QTMAN: variants seen among roughly 807,000 people sequenced by gnomAD.
QTMAN encodes the protein tRNA-queuosine alpha-mannosyltransferase.
At chr2:144,280,595 A>G in the QTMAN span, among the ~76,000 whole-genome samples, 1 of 152,176 alleles carries the variant, frequency 6.6e-6, no homozygotes, top group Admixed American at 6.5e-5. Context: ...ATTTGCCATT[A>G]AAATTCAGAA....
chr2:144,109,142 C>T, the QTMAN span, among the ~76,000 whole-genome samples: 3 of 152,176 alleles, frequency 2.0e-5, no homozygotes, highest in Non-Finnish European at 4.4e-5. Context: ...TGACTTCAAA[C>T]TATACTACAA....
the QTMAN span, among the ~76,000 whole-genome samples, chr2:143,988,250 T>C: frequency 6.6e-6 from 1 of 152,152 alleles, no homozygotes; most frequent in Non-Finnish European, 1.5e-5. Flanking sequence ...ACATAGGTGG[T>C]GCTGCGTCAT....
the QTMAN span, among the ~76,000 whole-genome samples, chr2:143,990,406 C>T: frequency 2.6e-5 from 4 of 151,982 alleles, no homozygotes; most frequent in Non-Finnish European, 5.9e-5. Context: ...GGGATAGTTA[C>T]CCTAGATATG....
At chr2:144,074,313 T>C in the QTMAN span, among the ~76,000 whole-genome samples, 3 of 152,292 alleles carry the variant, frequency 2.0e-5, no homozygotes, top group Non-Finnish European at 2.9e-5. Flanking sequence ...AAATATGTAA[T>C]TTACATGAAG....
chr2:144,102,887 C>T, the QTMAN span, among the ~76,000 whole-genome samples: 2 of 152,108 alleles, frequency 1.3e-5, no homozygotes, highest in East Asian at 1.9e-4. Flanking sequence ...AAAGGCACAG[C>T]TTATTTGGCA....
chr2:144,292,501 T>A, the QTMAN span, among the ~76,000 whole-genome samples: 1 of 152,168 alleles, frequency 6.6e-6, no homozygotes, highest in African/African-American at 2.4e-5. Context: ...TACACACTAG[T>A]CTTTCTTTCT....
chr2:143,986,171 T>C, the QTMAN span, among the ~76,000 whole-genome samples: 2 of 152,188 alleles, frequency 1.3e-5, no homozygotes, highest in African/African-American at 2.4e-5. Context: ...TAACAAAACA[T>C]TATGGTATAG....
At chr2:144,026,788 G>A in the QTMAN span, among the ~76,000 whole-genome samples, 1 of 152,112 alleles carries the variant, frequency 6.6e-6, no homozygotes, top group Non-Finnish European at 1.5e-5. Context: ...CAGCATCCAG[G>A]CAAGAATATG....
the QTMAN span, chr2:143,944,491 G>A: frequency 1.3e-5 from 2 of 152,018 alleles, no homozygotes; most frequent in Admixed American, 1.3e-4. Context: ...CGCCCAGGCT[G>A]GAGTGCAGTG....
chr2:144,107,386 G>T, the QTMAN span, among the ~76,000 whole-genome samples: 1 of 143,336 alleles, frequency 7.0e-6, no homozygotes, highest in Non-Finnish European at 1.5e-5. Flanking sequence ...GAAGAGAGAA[G>T]AATCAAATAG....
At chr2:144,150,052 A>T in the QTMAN span, among the ~76,000 whole-genome samples, 1 of 151,772 alleles carries the variant, frequency 6.6e-6, no homozygotes, top group Non-Finnish European at 1.5e-5. Flanking sequence ...AGGTCACCTC[A>T]CTCTTGCCCC....
chr2:144,320,493 T>C, the QTMAN span, among the ~76,000 whole-genome samples: 1 of 152,170 alleles, frequency 6.6e-6, no homozygotes, highest in Non-Finnish European at 1.5e-5. Context: ...TGGTCTCCCT[T>C]TTGGCTCAGT....
chr2:144,288,066 T>C, the QTMAN span, among the ~76,000 whole-genome samples: 1 of 152,158 alleles, frequency 6.6e-6, no homozygotes, highest in South Asian at 2.1e-4. Context: ...TATTGGGGTT[T>C]CACTATGTTG....
chr2:143,975,767 T>A, the QTMAN span, among the ~76,000 whole-genome samples: 1 of 152,190 alleles, frequency 6.6e-6, no homozygotes, highest in African/African-American at 2.4e-5. Flanking sequence ...GCAGTCTGGG[T>A]TGCCACATGG....
At chr2:144,128,784 T>C in the QTMAN span, among the ~76,000 whole-genome samples, 1 of 151,664 alleles carries the variant, frequency 6.6e-6, no homozygotes, top group African/African-American at 2.4e-5. Context: ...ATTCTTTCAT[T>C]AAAACAAAAT....
the QTMAN span, among the ~76,000 whole-genome samples, chr2:144,173,315 T>C: frequency 2.0e-5 from 3 of 152,124 alleles, no homozygotes; most frequent in South Asian, 2.1e-4. Flanking sequence ...TTCTAAACTG[T>C]AGAATACAGA....
the QTMAN span, among the ~76,000 whole-genome samples, chr2:144,184,574 G>A: frequency 1.4e-4 from 21 of 152,210 alleles, no homozygotes; most frequent in African/African-American, 5.1e-4. Context: ...GTGGAAAAAT[G>A]GCTATAGGAA....
the QTMAN span, among the ~76,000 whole-genome samples, chr2:144,228,501 A>G: frequency 0.015 from 2,261 of 152,310 alleles, 51 homozygotes; most frequent in African/African-American, 0.052. Flanking sequence ...AGTATGGTAT[A>G]TAACATTCAT....
At chr2:144,254,989 C>T in the QTMAN span, among the ~76,000 whole-genome samples, 2 of 152,216 alleles carry the variant, frequency 1.3e-5, no homozygotes, top group African/African-American at 4.8e-5. Flanking sequence ...GCCTGTAACC[C>T]CACTGTAACT....
Sources: gnomAD v4.1 joint callset for allele counts (sites outside exome capture counted in the v4.1 genomes callset) on GRCh38, gnomAD v4.1.1 for gene constraint, MANE v1.5 for transcripts, NCBI Gene and HGNC (gene_info 2026-07-23, HGNC 2026-07-21) for gene names.